MKLN1: variants seen among roughly 807,000 people sequenced by gnomAD.
MKLN1 encodes the protein muskelin 1.
MKLN1 carries 18 observed loss-of-function variants against 99.0 expected under a neutral mutation model. That is an observed-to-expected ratio of 0.18 (90% CI 0.13 to 0.27). MKLN1 has a LOEUF of 0.27. MKLN1 is among the 10% of genes least tolerant of loss of function. MKLN1 has a pLI of 1.00. For synonymous variants in MKLN1, 288 were observed against 293.2 expected, an observed-to-expected ratio of 0.98 and a Z score of 0.18; for missense variants, 621 against 875.9, an observed-to-expected ratio of 0.71 and a Z score of 3.67.
chr7:131,135,235 G>A (rs1349229595), intron 1 of MKLN1, among the ~76,000 whole-genome samples: 1 of 152,128 alleles, frequency 6.6e-6, no homozygotes, highest in Non-Finnish European at 1.5e-5. Flanking sequence ...TGATTCTTCC[G>A]CCTCAGCCTC....
At chr7:131,153,349 T>C (rs1297088954) in intron 2 of MKLN1, among the ~76,000 whole-genome samples, 5 of 152,166 alleles carry the variant, frequency 3.3e-5, no homozygotes, top group Non-Finnish European at 4.4e-5. Context: ...ATTATCCTCA[T>C]TGGTCTGTGA....
chr7:131,225,581 C>T (rs1194977641), intron 3 of MKLN1, among the ~76,000 whole-genome samples: 2 of 152,204 alleles, frequency 1.3e-5, no homozygotes, highest in Non-Finnish European at 2.9e-5. Flanking sequence ...ACAGATCTCT[C>T]TCTTTCTGAG....
At position 131,429,139 on chromosome 7, in the gene MKLN1, A is replaced by G. The variant is rs753439958; in HGVS notation, c.954A>G (p.Glu318=). ...NQWTCISRDT[E]KENGPSARSC... The stretch of plus-strand genomic sequence containing the variant: ...GGACATGTATCTCTAGAGACACTGA[A>G]AAAGAGGCAAGTTCTCAGACTTTTC... Residue 318 remains glutamate, a synonymous_variant, in exon 9 of 18, where the codon GAA becomes GAG. Coordinates refer to ENST00000352689, the MANE Select transcript of MKLN1 (RefSeq NM_013255.5). 5.6e-6 allele frequency: 9 copies of G among 1,609,174 alleles called. No homozygotes were observed. In the African/African-American group the frequency reaches 9.4e-5, roughly 17 times the overall value.
At chr7:131,402,870 T>C (rs1396552730) in intron 6 of MKLN1, among the ~76,000 whole-genome samples, 1 of 152,192 alleles carries the variant, frequency 6.6e-6, no homozygotes, top group Non-Finnish European at 1.5e-5. Context: ...TAGGCTTTGT[T>C]ACTCCATTTG....
At chr7:131,156,091 A>T (rs1795958933) in intron 2 of MKLN1, among the ~76,000 whole-genome samples, 7 of 152,356 alleles carry the variant, frequency 4.6e-5, no homozygotes, top group Admixed American at 3.9e-4. Context: ...AGCAATCAAA[A>T]TGCAGACAAT....
intron 3 of MKLN1, among the ~76,000 whole-genome samples, chr7:131,203,394 T>C (rs1563251213): frequency 6.6e-6 from 1 of 152,168 alleles, no homozygotes; most frequent in Non-Finnish European, 1.5e-5. Context: ...CAGAGGATTT[T>C]AAGGGAGGAG....
Position 131,492,029 on chromosome 7 carries a change from G to A in MKLN1, c.*4301G>A, listed in dbSNP as rs918993060. On this transcript the variant is annotated 3_prime_UTR_variant, in exon 18 of 18. Coordinates refer to ENST00000352689, the MANE Select transcript of MKLN1 (RefSeq NM_013255.5). ...ATAACATTCAGATATTGCTATAAATGTACTTGAGTCATTTTCATTTGGGGA... is the reference window on the plus strand; with the variant it reads ...ATAACATTCAGATATTGCTATAAATATACTTGAGTCATTTTCATTTGGGGA... The A allele has an allele frequency of 6.6e-6, 1 of 152,172 alleles. No individual in the cohort carries two copies. The highest frequency in any genetic ancestry group is 1.5e-5 in the Non-Finnish European group (1 of 68,016). 9.4% of individuals were successfully genotyped at this position (152,172 alleles called of 1,614,324 possible). A position where few individuals can be genotyped will look rare whatever the true frequency, so the allele number is the denominator to read the frequency against.
At chr7:131,152,274 A>G (rs890329279) in intron 2 of MKLN1, among the ~76,000 whole-genome samples, 5 of 152,158 alleles carry the variant, frequency 3.3e-5, no homozygotes, top group Non-Finnish European at 5.9e-5. Context: ...GTGAGCTACA[A>G]TTGTGCCACT....
intron 2 of MKLN1, among the ~76,000 whole-genome samples, chr7:131,192,587 G>A (rs939195019): frequency 6.7e-6 from 1 of 148,928 alleles, no homozygotes; most frequent in Non-Finnish European, 1.5e-5. Context: ...TGTCGCCCAG[G>A]CTGGAGTGCA....
chr7:131,223,326 T>TTAC (rs1455340684), intron 3 of MKLN1, among the ~76,000 whole-genome samples: 3 of 152,208 alleles, frequency 2.0e-5, no homozygotes, highest in Non-Finnish European at 4.4e-5. Context: ...ATTGGCTTCC[T>TTAC]TACTCTGGAA....
intron 1 of MKLN1, among the ~76,000 whole-genome samples, chr7:131,129,796 G>A (rs1033901610): frequency 2.0e-5 from 3 of 152,072 alleles, no homozygotes; most frequent in African/African-American, 7.2e-5. Context: ...GATTGGTCTT[G>A]AACTCCCAGC....
chr7:131,327,807 G>A (rs1311031108), upstream of MKLN1: 12 of 1,483,324 alleles, frequency 8.1e-6, no homozygotes, highest in African/African-American at 2.9e-5. Flanking sequence ...GGCGGCCGGG[G>A]AGGGCGGCGG....
At chr7:131,478,709 A>T (rs1797035249) in intron 17 of MKLN1, 32 bp downstream of exon 17, 2 of 1,606,198 alleles carry the variant, frequency 1.2e-6, no homozygotes, top group Admixed American at 3.4e-5. Context: ...ATCCAGCTAG[A>T]TGCCCTAGCA....
At chr7:131,224,868 T>C (rs1445513051) in intron 3 of MKLN1, among the ~76,000 whole-genome samples, 1 of 151,196 alleles carries the variant, frequency 6.6e-6, no homozygotes, top group East Asian at 1.9e-4. Flanking sequence ...GGTCAGGAAA[T>C]CGAGACCATC....
chr7:131,306,127 T>C (rs1332602610), intron 3 of MKLN1, among the ~76,000 whole-genome samples: 1 of 152,144 alleles, frequency 6.6e-6, no homozygotes, highest in Non-Finnish European at 1.5e-5. Context: ...GGTGCTTGCT[T>C]CTCCTTCACC....
At chr7:131,325,903 G>A (rs558130031), upstream of MKLN1, among the ~76,000 whole-genome samples, 7 of 149,660 alleles carry the variant, frequency 4.7e-5, no homozygotes, top group Admixed American at 1.3e-4. Context: ...AGAAAAGTGG[G>A]GGGGGGGTGG....
intron 5 of MKLN1, 32 bp from the exon 6 acceptor site, chr7:131,399,209 C>G: frequency 6.3e-7 from 1 of 1,589,094 alleles, no homozygotes; most frequent in Non-Finnish European, 8.6e-7. Context: ...AACCAAATCT[C>G]TTCTTTCCAT....
At chr7:131,242,666 C>T (rs1450343276) in intron 3 of MKLN1, 2 of 596,770 alleles carry the variant, frequency 3.4e-6, no homozygotes, top group East Asian at 3.4e-5. Context: ...AAGCCATCAT[C>T]GTGAAGAACA....
chr7:131,343,544 A>G (rs540237994), intron 1 of MKLN1, among the ~76,000 whole-genome samples: 6 of 152,130 alleles, frequency 3.9e-5, no homozygotes, highest in Non-Finnish European at 8.8e-5. Context: ...CATAATTAAC[A>G]TTTATTCTCC....
Sources: allele counts gnomAD v4.1 joint callset (sites outside exome capture counted in the v4.1 genomes callset), GRCh38; gene constraint gnomAD v4.1.1; transcripts MANE v1.5; gene names NCBI Gene and HGNC (gene_info 2026-07-23, HGNC 2026-07-21).